Variants in DCDC1 observed in about 807,000 individuals in gnomAD.
The protein encoded by DCDC1 is doublecortin domain-containing protein 1.
DCDC1 carries 200 observed loss-of-function variants against 178.3 expected under a neutral mutation model. The observed-to-expected ratio is 1.12, with a 90% CI of 1.00 to 1.26. The LOEUF is 1.26. DCDC1 is among the 50% of genes most tolerant of loss of function. The probability of loss-of-function intolerance (pLI) is 0.00; values close to 1 mark genes in which losing one functional copy is unlikely to be tolerated. For synonymous variants in DCDC1, 690 were observed against 604.8 expected, an observed-to-expected ratio of 1.14 and a Z score of -2.07; for missense variants, 1,983 against 1,749.2, an observed-to-expected ratio of 1.13 and a Z score of -2.38.
At chr11:31,356,140 CTTTAT>C (rs1269087586) in intron 1 of DCDC1, among the ~76,000 whole-genome samples, 1 of 152,000 alleles carries the variant, frequency 6.6e-6, no homozygotes, top group Non-Finnish European at 1.5e-5. Context: ...ATAAAACTGA[CTTTAT>C]TTTATAACAA....
intron 20 of DCDC1, among the ~76,000 whole-genome samples, chr11:31,055,287 C>T (rs1254615710): frequency 3.3e-5 from 5 of 152,148 alleles, no homozygotes; most frequent in Non-Finnish European, 7.3e-5. Context: ...CAATGCAATA[C>T]CACCTTACTC....
At chr11:31,234,277 T>C (rs1231883394) in intron 9 of DCDC1, among the ~76,000 whole-genome samples, 1 of 152,178 alleles carries the variant, frequency 6.6e-6, no homozygotes, top group Non-Finnish European at 1.5e-5. Context: ...AAGAGAGCAA[T>C]AAATTAATGT....
chr11:31,292,207 A>T (rs1259422347), intron 6 of DCDC1, among the ~76,000 whole-genome samples: 2 of 152,174 alleles, frequency 1.3e-5, no homozygotes, highest in East Asian at 3.8e-4. Context: ...TGTAAACTGA[A>T]ATTAATAGGA....
In DCDC1 at chr11:31,285,493, T is replaced by C. The variant is rs1240500768; in HGVS notation, c.960+5154A>G. The stretch of plus-strand genomic sequence containing the variant: ...TCTCTAAATTATTTTACCCACACTA[T>C]TGGGAAAATCTCTGCTGCCATAGTT... On this transcript the variant is annotated intron_variant, in intron 7 of 38. Coordinates refer to ENST00000684477, the MANE Select transcript of DCDC1 (RefSeq NM_001387274.1). Among the ~76,000 whole-genome samples the C allele has an allele frequency of 2.6e-5, 4 of 152,142 alleles. No homozygotes were observed. In the East Asian group the frequency reaches 5.8e-4, roughly 22 times the overall value.
intron 2 of DCDC1, 35 bp from the exon 3 acceptor site, chr11:31,328,321 T>C: frequency 6.6e-7 from 1 of 1,518,800 alleles, no homozygotes. Flanking sequence ...TAATTTTAAA[T>C]GTAAAATCCT....
At position 31,099,965 on chromosome 11, in the gene DCDC1, C is replaced by T. The variant is rs541209320; in HGVS notation, c.1983+2212G>A. Among the ~76,000 whole-genome samples the T allele has an allele frequency of 4.6e-5, 7 of 152,174 alleles. No homozygotes were observed. In the South Asian group the frequency reaches 1.5e-3, roughly 32 times the overall value. On this transcript the variant is annotated intron_variant, in intron 15 of 38. Coordinates refer to ENST00000684477, the MANE Select transcript of DCDC1 (RefSeq NM_001387274.1). ...ATCTCCTGACCTCCTGATCCGCCTG[C>T]CTTGGCCTCCCAAAGTTCTTGGATT... is the stretch of plus-strand genomic sequence containing the variant.
chr11:31,127,634 G>A lies in DCDC1; in HGVS notation c.1320C>T (p.Ser440=). 1.4e-6 allele frequency: 1 copy of A among 702,286 alleles called. No individual in the cohort carries two copies. 43.5% of individuals were successfully genotyped at this position (702,286 alleles called of 1,614,324 possible). A position where few individuals can be genotyped will look rare whatever the true frequency, so the allele number is the denominator to read the frequency against. ...CTGTCTGCAATTCATCAATCAGCCT[G>A]CTCACCTGAAGGGGTTAAATTACAA... ...KEHHKEQEEV[S]RLIDELQTAI... Residue 440 remains serine, a synonymous_variant, in exon 11 of 39, where the codon AGC becomes AGT. Transcript: ENST00000684477.
At chr11:31,081,753 A>C (rs1474988950) in intron 17 of DCDC1, among the ~76,000 whole-genome samples, 1 of 152,210 alleles carries the variant, frequency 6.6e-6, no homozygotes, top group African/African-American at 2.4e-5. Flanking sequence ...AGTCTTATAT[A>C]ATCTATAACC....
chr11:30,890,588 C>T (rs1943682715), intron 36 of DCDC1, among the ~76,000 whole-genome samples: 1 of 152,094 alleles, frequency 6.6e-6, no homozygotes, highest in African/African-American at 2.4e-5. Context: ...TATCAGCTTC[C>T]CTATCATACA....
chr11:31,305,492 A>T, intron 6 of DCDC1, 123 bp downstream of exon 6: 1 of 1,277,974 alleles, frequency 7.8e-7, no homozygotes, highest in Non-Finnish European at 1.1e-6. Flanking sequence ...ACTGAGCTGT[A>T]AATGCGTAAA....
chr11:31,358,792 C>T (rs1283987220), intron 1 of DCDC1, among the ~76,000 whole-genome samples: 1 of 152,182 alleles, frequency 6.6e-6, no homozygotes, highest in African/African-American at 2.4e-5. Flanking sequence ...ACAGACACTT[C>T]TCAAAAGAAG....
chr11:30,921,746 G>A (rs568928336), intron 24 of DCDC1, among the ~76,000 whole-genome samples: 1 of 152,296 alleles, frequency 6.6e-6, no homozygotes, highest in South Asian at 2.1e-4. Flanking sequence ...GAAACAGTGA[G>A]GACACTGCCC....
chr11:30,934,925 T>G (rs973364454), intron 21 of DCDC1, among the ~76,000 whole-genome samples: 2 of 152,134 alleles, frequency 1.3e-5, no homozygotes, highest in African/African-American at 2.4e-5. Flanking sequence ...TTTGGTAAAG[T>G]GTTTATTAGG....
chr11:31,164,002 G>A (rs918359473), intron 9 of DCDC1, among the ~76,000 whole-genome samples: 1 of 151,756 alleles, frequency 6.6e-6, no homozygotes, highest in African/African-American at 2.4e-5. Context: ...ATCCAATCTT[G>A]CTTCTATCTG....
At chr11:31,157,404 CACACACATATATAT>C (rs1196120410) in intron 9 of DCDC1, among the ~76,000 whole-genome samples, 1 of 141,720 alleles carries the variant, frequency 7.1e-6, no homozygotes, top group Non-Finnish European at 1.5e-5. Context: ...TATACACACA[CACACACATATATAT>C]ACACACATAT....
intron 28 of DCDC1, among the ~76,000 whole-genome samples, chr11:30,909,650 A>C (rs1945310285): frequency 6.6e-6 from 1 of 152,100 alleles, no homozygotes; most frequent in South Asian, 2.1e-4. Flanking sequence ...TAATATACTA[A>C]ATGACCCATT....
chr11:31,335,927 A>C (rs1450204445), intron 1 of DCDC1, among the ~76,000 whole-genome samples: 4 of 152,234 alleles, frequency 2.6e-5, no homozygotes, highest in African/African-American at 7.2e-5. Flanking sequence ...AAGGTAAAAA[A>C]AAATCCTTTT....
intron 1 of DCDC1, among the ~76,000 whole-genome samples, chr11:31,358,964 G>A (rs552553712): frequency 6.6e-6 from 1 of 152,164 alleles, no homozygotes; most frequent in African/African-American, 2.4e-5. Flanking sequence ...GGAGAAATAG[G>A]AACACTATTA....
chr11:31,336,726 C>T (rs1489908139), intron 1 of DCDC1, among the ~76,000 whole-genome samples: 1 of 152,202 alleles, frequency 6.6e-6, no homozygotes, highest in African/African-American at 2.4e-5. Context: ...TTAACTGAGA[C>T]ATATGGCTGC....
Sources: allele counts gnomAD v4.1 joint callset (sites outside exome capture counted in the v4.1 genomes callset), GRCh38; gene constraint gnomAD v4.1.1; transcripts MANE v1.5; gene names NCBI Gene and HGNC (gene_info 2026-07-23, HGNC 2026-07-21).